TSHZ3: variants seen among roughly 807,000 people sequenced by gnomAD.
TSHZ3 encodes the protein teashirt zinc finger homeobox 3.
A neutral mutation model predicts 64.5 loss-of-function variants in TSHZ3; 10 were observed. The observed-to-expected ratio is 0.16, with a 90% CI of 0.10 to 0.26. The LOEUF (loss-of-function observed/expected upper bound fraction) is 0.26. Ranked by LOEUF, TSHZ3 falls within the 10% of genes least tolerant of loss-of-function variation. The pLI, the probability that TSHZ3 is intolerant of heterozygous loss-of-function variation, is 1.00. For missense variants in TSHZ3, 1,242 were observed against 1,421.7 expected, an observed-to-expected ratio of 0.87 and a Z score of 2.03; for synonymous variants, 608 against 593.1, an observed-to-expected ratio of 1.03 and a Z score of -0.36.
At chr19:31,217,482 AT>A (rs904161057) in intron 4 of TSHZ3, among the ~76,000 whole-genome samples, 1 of 152,180 alleles carries the variant, frequency 6.6e-6, no homozygotes, top group African/African-American at 2.4e-5. Flanking sequence ...TTAAAAAAAA[AT>A]AAACTAGACT....
chr19:31,169,145 T>C lies in TSHZ3; in HGVS notation n.810-12728A>G, dbSNP rs1393097885. 1.5e-4 allele frequency among the ~76,000 whole-genome samples: 22 copies of C among 148,606 alleles called. No homozygotes were observed. In the Admixed American group the frequency reaches 1.5e-3, roughly 10 times the overall value. ...AAAAAAGAGAGAGAGAGAGAGAGAC[T>C]AGTTGTTCAAGCAGAGAAAAAGAAA... On this transcript the variant is annotated intron_variant and non_coding_transcript_variant, in intron 5 of 6. Transcript: ENST00000651361.
chr19:31,336,356 C>T (rs914639853), intron 1 of TSHZ3, among the ~76,000 whole-genome samples: 3 of 152,132 alleles, frequency 2.0e-5, no homozygotes, highest in African/African-American at 7.2e-5. Context: ...CAGAATGTGA[C>T]GCCAGGTTAT....
chr19:31,270,135 T>A (rs1976115568), downstream of TSHZ3, among the ~76,000 whole-genome samples: 1 of 152,228 alleles, frequency 6.6e-6, no homozygotes. Flanking sequence ...CTGTTTATAA[T>A]TTTATGCTCA....
intron 1 of TSHZ3, among the ~76,000 whole-genome samples, chr19:31,261,723 C>T (rs1222664875): frequency 6.6e-6 from 1 of 152,178 alleles, no homozygotes; most frequent in Admixed American, 6.5e-5. Context: ...CTCGGGTTTC[C>T]TGCTTACAGA....
At chr19:31,241,991 A>G (rs1975697103) in intron 3 of TSHZ3, among the ~76,000 whole-genome samples, 1 of 152,200 alleles carries the variant, frequency 6.6e-6, no homozygotes. Flanking sequence ...CTTGATGCCT[A>G]GTAGACAATT....
chr19:31,260,136 G>C (rs551026136), intron 1 of TSHZ3, among the ~76,000 whole-genome samples: 87 of 152,264 alleles, frequency 5.7e-4, no homozygotes, highest in Admixed American at 1.2e-3. Flanking sequence ...CCAGGGCCCA[G>C]CTCAGGACCT....
chr19:31,188,172 T>C (rs1181290832), intron 5 of TSHZ3, among the ~76,000 whole-genome samples: 1 of 151,692 alleles, frequency 6.6e-6, no homozygotes, highest in Non-Finnish European at 1.5e-5. Context: ...TTTAAATTTT[T>C]ATTTTCTAAC....
chr19:31,260,182 A>G (rs886494362), intron 1 of TSHZ3, among the ~76,000 whole-genome samples: 1 of 151,952 alleles, frequency 6.6e-6, no homozygotes, highest in African/African-American at 2.4e-5. Context: ...GATTTTGGCT[A>G]ATTCTGAGAC....
chr19:31,341,668 C>CAT (rs1271018990), intron 1 of TSHZ3, among the ~76,000 whole-genome samples: 1 of 140,080 alleles, frequency 7.1e-6, no homozygotes, highest in Non-Finnish European at 1.5e-5. Flanking sequence ...CACACACACA[C>CAT]ACAGCACTTC....
At chr19:31,225,849 G>A (rs988167057) in intron 4 of TSHZ3, among the ~76,000 whole-genome samples, 2 of 152,098 alleles carry the variant, frequency 1.3e-5, no homozygotes, top group African/African-American at 2.4e-5. Flanking sequence ...TGTGTCAGCT[G>A]GGCACGGTGG....
At chr19:31,266,667 A>T (rs1256838967) in intron 1 of TSHZ3, among the ~76,000 whole-genome samples, 2 of 152,208 alleles carry the variant, frequency 1.3e-5, no homozygotes, top group Non-Finnish European at 2.9e-5. Flanking sequence ...AAAGAAAAAA[A>T]GTTGTGGTAT....
chr19:31,160,003 G>C lies in TSHZ3; in HGVS notation n.810-3586C>G, dbSNP rs138702587. The stretch of plus-strand genomic sequence containing the variant: ...CACCACACCCCAGAATGTTGCTCTT[G>C]AAGATAGCAAAAACACACTTCCCCC... On this transcript the variant is annotated intron_variant and non_coding_transcript_variant, in intron 5 of 6. Coordinates refer to the TSHZ3 transcript ENST00000651361. Among the ~76,000 whole-genome samples, 28 of 152,268 alleles carry C rather than the reference G, an allele frequency of 1.8e-4. No individual in the cohort carries two copies. The East Asian group carries it at 3.1e-3, about 17-fold the overall frequency.
At chr19:31,270,758 T>A (rs1050842265), downstream of TSHZ3, among the ~76,000 whole-genome samples, 2 of 152,206 alleles carry the variant, frequency 1.3e-5, no homozygotes, top group African/African-American at 4.8e-5. Flanking sequence ...GTGGCTAGTG[T>A]CTACTATATT....
intron 1 of TSHZ3, among the ~76,000 whole-genome samples, chr19:31,348,252 G>A (rs1294138832): frequency 6.6e-6 from 1 of 152,190 alleles, no homozygotes; most frequent in Non-Finnish European, 1.5e-5. Context: ...ATAGATCAAA[G>A]GCAGCAGCAT....
At chr19:31,152,267 CAT>C (rs894506477) in intron 6 of TSHZ3, among the ~76,000 whole-genome samples, 49 of 138,584 alleles carry the variant, frequency 3.5e-4, no homozygotes, top group Admixed American at 1.5e-4. Flanking sequence ...CATGCAATAA[CAT>C]GTGTATATGT....
chr19:31,332,131 G>C (rs567826247), intron 1 of TSHZ3, among the ~76,000 whole-genome samples: 1 of 152,290 alleles, frequency 6.6e-6, no homozygotes, highest in South Asian at 2.1e-4. Flanking sequence ...AACCTAGGCT[G>C]ATTCTCTTGC....
intron 5 of TSHZ3, among the ~76,000 whole-genome samples, chr19:31,176,975 A>G (rs1424962592): frequency 3.3e-5 from 5 of 152,168 alleles, no homozygotes; most frequent in African/African-American, 1.2e-4. Flanking sequence ...AACTGGCAGT[A>G]TCTACCATGT....
intron 1 of TSHZ3, among the ~76,000 whole-genome samples, chr19:31,250,326 C>T (rs1975820428): frequency 6.6e-6 from 1 of 152,204 alleles, no homozygotes; most frequent in Non-Finnish European, 1.5e-5. Flanking sequence ...GTTGGTTTAC[C>T]TCTCACAAAC....
chr19:31,316,308 T>G (rs1311669739), intron 1 of TSHZ3, among the ~76,000 whole-genome samples: 1 of 152,256 alleles, frequency 6.6e-6, no homozygotes. Context: ...TTGTGTTTTC[T>G]GCAGCAGTAA....
Sources: gnomAD v4.1 joint callset for allele counts (sites outside exome capture counted in the v4.1 genomes callset) on GRCh38, gnomAD v4.1.1 for gene constraint, MANE v1.5 for transcripts, NCBI Gene and HGNC (gene_info 2026-07-23, HGNC 2026-07-21) for gene names.